The following NALF1 variants were observed in gnomAD, a reference collection of about 807,000 sequenced individuals.
NALF1 encodes the protein family with sequence similarity 155 member A.
In NALF1, 3 loss-of-function variants were observed where a neutral mutation model predicts 48.4. The ratio of observed to expected loss-of-function variants is 0.06; its 90% CI spans 0.03 to 0.16. The LOEUF is 0.16. NALF1 is among the 10% of genes least tolerant of loss of function. The pLI is 1.00. For missense variants in NALF1, 526 were observed against 571.5 expected, an observed-to-expected ratio of 0.92 and a Z score of 0.81; for synonymous variants, 262 against 245.7, an observed-to-expected ratio of 1.07 and a Z score of -0.62.
intron 1 of NALF1, among the ~76,000 whole-genome samples, chr13:107,450,171 G>A (rs1211914734): frequency 2.0e-5 from 3 of 152,114 alleles, no homozygotes; most frequent in African/African-American, 7.2e-5. Flanking sequence ...CTGGCCTAAG[G>A]GAGAGATGAA....
chr13:107,781,505 CTATT>C (rs773288182), intron 1 of NALF1, among the ~76,000 whole-genome samples: 1 of 151,986 alleles, frequency 6.6e-6, no homozygotes, highest in Non-Finnish European at 1.5e-5. Context: ...ACTCCAGGGG[CTATT>C]TAAATTTATC....
chr13:107,829,444 T>A (rs1008883263), intron 1 of NALF1, among the ~76,000 whole-genome samples: 30 of 152,208 alleles, frequency 2.0e-4, no homozygotes, highest in African/African-American at 6.7e-4. Context: ...ATAAATATAC[T>A]CCCACAATAG....
intron 1 of NALF1, among the ~76,000 whole-genome samples, chr13:107,853,291 A>T (rs1007472513): frequency 2.0e-5 from 3 of 152,238 alleles, no homozygotes; most frequent in African/African-American, 7.2e-5. Context: ...TGAAAACCTG[A>T]GCTTCATTTC....
chr13:107,714,339 A>G (rs548654451), intron 1 of NALF1, among the ~76,000 whole-genome samples: 5 of 152,190 alleles, frequency 3.3e-5, no homozygotes, highest in South Asian at 4.1e-4. Context: ...ACTTGACACT[A>G]TGAAATCCCC....
intron 1 of NALF1, among the ~76,000 whole-genome samples, chr13:107,605,923 C>A (rs1311836348): frequency 6.6e-6 from 1 of 152,114 alleles, no homozygotes; most frequent in Non-Finnish European, 1.5e-5. Flanking sequence ...ACAGGTAGAC[C>A]CAGCCAGGCT....
At chr13:107,425,198 G>A (rs540627892) in intron 1 of NALF1, among the ~76,000 whole-genome samples, 11 of 152,154 alleles carry the variant, frequency 7.2e-5, no homozygotes, top group Admixed American at 2.0e-4. Context: ...TGGAGCTATG[G>A]GTTGAAGCAA....
At chr13:107,781,632 A>T (rs1264045483) in intron 1 of NALF1, among the ~76,000 whole-genome samples, 2 of 151,746 alleles carry the variant, frequency 1.3e-5, no homozygotes, top group East Asian at 3.9e-4. Context: ...AAATGACAGA[A>T]TCAAAGATGT....
intron 1 of NALF1, among the ~76,000 whole-genome samples, chr13:107,460,953 A>G (rs1390740555): frequency 1.3e-5 from 2 of 152,182 alleles, no homozygotes; most frequent in Admixed American, 1.3e-4. Context: ...TTTGGAAAAG[A>G]AATCCATTTG....
intron 1 of NALF1, among the ~76,000 whole-genome samples, chr13:107,810,255 T>A (rs906740786): frequency 2.0e-5 from 3 of 152,098 alleles, no homozygotes; most frequent in Admixed American, 2.0e-4. Flanking sequence ...ATTTGACACT[T>A]TTAAACAGTC....
chr13:107,837,598 A>G (rs1879931763), intron 1 of NALF1, among the ~76,000 whole-genome samples: 1 of 152,190 alleles, frequency 6.6e-6, no homozygotes, highest in Non-Finnish European at 1.5e-5. Flanking sequence ...TGCTGAGAAC[A>G]CAGGGAAATA....
chr13:107,490,178 C>T (rs1373865967), intron 1 of NALF1, among the ~76,000 whole-genome samples: 1 of 152,008 alleles, frequency 6.6e-6, no homozygotes, highest in Non-Finnish European at 1.5e-5. Context: ...TAATTCCTCA[C>T]CTAAAGACAG....
chr13:107,667,009 A>G (rs1379438611), intron 1 of NALF1, among the ~76,000 whole-genome samples: 2 of 152,056 alleles, frequency 1.3e-5, no homozygotes, highest in Non-Finnish European at 2.9e-5. Flanking sequence ...CATAATATGC[A>G]TTTTCCACGA....
Position 107,327,742 on chromosome 13 carries a change from A to G in NALF1, c.916-116987T>C, listed in dbSNP as rs962691360. 3.9e-5 allele frequency among the ~76,000 whole-genome samples: 6 copies of G among 152,068 alleles called. No homozygotes were observed. In the South Asian group the frequency reaches 1.2e-3, roughly 32 times the overall value. On this transcript the variant is annotated intron_variant, in intron 1 of 2. Coordinates refer to ENST00000375915, the MANE Select transcript of NALF1 (RefSeq NM_001080396.3). Reference sequence around the variant, plus strand: ...TGCAATACCAGCATTCAAATGGCTAATGGTTTGCTCTTCTGTACTTGCTAA... The same window carrying G: ...TGCAATACCAGCATTCAAATGGCTAGTGGTTTGCTCTTCTGTACTTGCTAA...
intron 1 of NALF1, among the ~76,000 whole-genome samples, chr13:107,316,691 G>A (rs1225878469): frequency 6.6e-6 from 1 of 152,158 alleles, no homozygotes; most frequent in South Asian, 2.1e-4. Flanking sequence ...CTGCATAAAT[G>A]TCTTCTTTTG....
At position 107,411,472 on chromosome 13, in the gene NALF1, G is replaced by A. The variant is rs530372470; in HGVS notation, c.916-200717C>T. On this transcript the variant is annotated intron_variant, in intron 1 of 2. Coordinates refer to ENST00000375915, the MANE Select transcript of NALF1 (RefSeq NM_001080396.3). ...GATTACAGGCATGAGCTTCCCAGCT[G>A]AAATGTGCAGTCTTAAACTGACTTG... is the stretch of plus-strand genomic sequence containing the variant. 1.7e-4 allele frequency among the ~76,000 whole-genome samples: 26 copies of A among 152,042 alleles called. No homozygotes were observed. In the East Asian group the frequency reaches 4.6e-3, roughly 27 times the overall value.
chr13:107,195,360 A>G (rs1300160005), intron 2 of NALF1, among the ~76,000 whole-genome samples: 1 of 152,240 alleles, frequency 6.6e-6, no homozygotes, highest in Non-Finnish European at 1.5e-5. Flanking sequence ...TGCTAGTTAC[A>G]TTTGTAATGG....
At chr13:107,773,984 C>G (rs1437335928) in intron 1 of NALF1, among the ~76,000 whole-genome samples, 5 of 150,352 alleles carry the variant, frequency 3.3e-5, no homozygotes, top group Admixed American at 2.7e-4. Context: ...TAGATTTCCC[C>G]CTTAAATGAT....
chr13:107,783,222 C>T (rs1877967786), intron 1 of NALF1, among the ~76,000 whole-genome samples: 3 of 135,638 alleles, frequency 2.2e-5, no homozygotes, highest in Non-Finnish European at 4.8e-5. Flanking sequence ...GCCAGCCGCC[C>T]CGTCCGGGAG....
chr13:107,514,421 A>ATATCTATCTATCTATCTATC (rs34590190), intron 1 of NALF1, among the ~76,000 whole-genome samples: 42 of 148,760 alleles, frequency 2.8e-4, no homozygotes, highest in Admixed American at 8.8e-4. Flanking sequence ...AGCTTCTCCT[A>ATATCTATCTATCTATCTATC]TATCTATCTA....
Sources: gnomAD v4.1 joint callset for allele counts (sites outside exome capture counted in the v4.1 genomes callset) on GRCh38, gnomAD v4.1.1 for gene constraint, MANE v1.5 for transcripts, NCBI Gene and HGNC (gene_info 2026-07-23, HGNC 2026-07-21) for gene names.